The following HIPK3 variants were observed in gnomAD, a reference collection of about 807,000 sequenced individuals.
The protein encoded by HIPK3 is homeodomain-interacting protein kinase 3.
A neutral mutation model predicts 124.2 loss-of-function variants in HIPK3; 47 were observed. That is an observed-to-expected ratio of 0.38 (90% CI 0.30 to 0.48). The LOEUF (loss-of-function observed/expected upper bound fraction) is 0.48. Ranked by LOEUF, HIPK3 falls within the 20% of genes least tolerant of loss-of-function variation. The pLI is 0.98. For synonymous variants in HIPK3, 482 were observed against 515.2 expected (o/e 0.94, Z 0.87); for missense variants, 1,286 against 1,454.3 (o/e 0.88, Z 1.88).
At chr11:33,336,311 C>T (rs1853146502) in intron 3 of HIPK3, among the ~76,000 whole-genome samples, 1 of 152,112 alleles carries the variant, frequency 6.6e-6, no homozygotes, top group Non-Finnish European at 1.5e-5. Context: ...CTTGGGAGAG[C>T]CCATCAACTA....
chr11:33,266,836 A>G (rs1388045326), intron 1 of HIPK3, among the ~76,000 whole-genome samples: 2 of 152,224 alleles, frequency 1.3e-5, no homozygotes, highest in African/African-American at 4.8e-5. Context: ...TGTTTTCATT[A>G]AGGCTAATCA....
At chr11:33,343,819 G>T (rs1200748274) in intron 8 of HIPK3, among the ~76,000 whole-genome samples, 1 of 152,076 alleles carries the variant, frequency 6.6e-6, no homozygotes, top group Non-Finnish European at 1.5e-5. Flanking sequence ...TTATATCATA[G>T]AAAGTATAAT....
intron 1 of HIPK3, among the ~76,000 whole-genome samples, chr11:33,259,384 A>G (rs181031620): frequency 1.3e-5 from 2 of 152,344 alleles, no homozygotes; most frequent in Admixed American, 6.5e-5. Context: ...GTGCAGTGCT[A>G]ATTTTATACA....
At chr11:33,267,392 C>T (rs1365880484) in intron 1 of HIPK3, among the ~76,000 whole-genome samples, 2 of 152,012 alleles carry the variant, frequency 1.3e-5, no homozygotes, top group Non-Finnish European at 2.9e-5. Flanking sequence ...GGATTACAGG[C>T]GTGAGCCACT....
chr11:33,331,840 A>G (rs1852995789), intron 3 of HIPK3, among the ~76,000 whole-genome samples: 1 of 152,222 alleles, frequency 6.6e-6, no homozygotes, highest in African/African-American at 2.4e-5. Flanking sequence ...CCTATGAAGT[A>G]CACACTACTG....
chr11:33,284,958 GTA>G (rs3840756), intron 1 of HIPK3, among the ~76,000 whole-genome samples: 2 of 152,264 alleles, frequency 1.3e-5, no homozygotes, highest in East Asian at 1.9e-4. Flanking sequence ...TCTTATGTGT[GTA>G]TATGTTTTGA....
At chr11:33,312,043 A>C (rs1056359289) in intron 2 of HIPK3, among the ~76,000 whole-genome samples, 2 of 150,554 alleles carry the variant, frequency 1.3e-5, no homozygotes, top group African/African-American at 4.9e-5. Context: ...TGTGTTTTGT[A>C]GAGACAGGGT....
chr11:33,261,136 A>AATAT (rs1554960643), intron 1 of HIPK3, among the ~76,000 whole-genome samples: 38 of 145,154 alleles, frequency 2.6e-4, no homozygotes, highest in East Asian at 7.9e-4. Context: ...TTATATATAA[A>AATAT]ATATAAAATA....
intron 2 of HIPK3, among the ~76,000 whole-genome samples, chr11:33,310,311 T>TATCTATCTA (rs1565078200): frequency 1.8e-3 from 278 of 150,802 alleles, no homozygotes; most frequent in African/African-American, 6.4e-3. Flanking sequence ...CTATCTAATC[T>TATCTATCTA]ATCTATCTAT....
intron 2 of HIPK3, 42 bp from the exon 3 acceptor site, chr11:33,328,468 G>A (rs1565087930): frequency 1.3e-6 from 2 of 1,596,504 alleles, no homozygotes; most frequent in Middle Eastern, 1.7e-4. Flanking sequence ...GGTAATTTTA[G>A]AGAAAAACCA....
At chr11:33,342,378 G>A (rs1028428162) in intron 8 of HIPK3, among the ~76,000 whole-genome samples, 1 of 152,192 alleles carries the variant, frequency 6.6e-6, no homozygotes, top group African/African-American at 2.4e-5. Context: ...TAAAATTTTG[G>A]TCAAAAGAGT....
At chr11:33,293,522 T>G (rs2133913002) in intron 2 of HIPK3, among the ~76,000 whole-genome samples, 1 of 152,250 alleles carries the variant, frequency 6.6e-6, no homozygotes, top group South Asian at 2.1e-4. Flanking sequence ...CCATACAATA[T>G]ATGGTCCTTT....
At chr11:33,332,639 A>T (rs1190572346) in intron 3 of HIPK3, among the ~76,000 whole-genome samples, 1 of 152,204 alleles carries the variant, frequency 6.6e-6, no homozygotes, top group East Asian at 1.9e-4. Context: ...AGTCTTATGT[A>T]AGAAAAATAA....
chr11:33,293,980 A>C (rs940841012), intron 2 of HIPK3, among the ~76,000 whole-genome samples: 6 of 152,210 alleles, frequency 3.9e-5, no homozygotes, highest in Non-Finnish European at 8.8e-5. Context: ...CAGCCTGGCG[A>C]GCATGGTCAA....
intron 2 of HIPK3, among the ~76,000 whole-genome samples, chr11:33,304,650 G>T (rs1389249414): frequency 6.6e-6 from 1 of 151,934 alleles, no homozygotes; most frequent in Admixed American, 6.6e-5. Flanking sequence ...CTTTTATATT[G>T]TGGCTGTATT....
At position 33,287,117 on chromosome 11, in the gene HIPK3, G is replaced by A; in HGVS notation, c.703G>A (p.Ala235Thr). ...IKILKNHPSYARQGQIEVSIL... is the reference protein window; with the variant it reads ...IKILKNHPSYTRQGQIEVSIL... ...AATTTTGAAGAATCATCCTTCTTATGCCCGTCAAGGTCAAATAGAAGTGAG... is the reference window on the plus strand; with the variant it reads ...AATTTTGAAGAATCATCCTTCTTATACCCGTCAAGGTCAAATAGAAGTGAG... The change falls in exon 2 of 17, where the codon GCC (alanine) becomes ACC (threonine). Residue 235 changes from alanine to threonine, a missense_variant. Ala to Thr is a moderately conservative substitution (Grantham distance 58). Transcript: ENST00000303296. The A allele has an allele frequency of 6.2e-7, 1 of 1,614,138 alleles. No individual in the cohort carries two copies. The highest frequency in any genetic ancestry group is 8.5e-7 in the Non-Finnish European group (1 of 1,180,010).
At chr11:33,305,468 G>A (rs939447847) in intron 2 of HIPK3, among the ~76,000 whole-genome samples, 2 of 152,174 alleles carry the variant, frequency 1.3e-5, no homozygotes, top group Non-Finnish European at 2.9e-5. Flanking sequence ...AGGTTCAGCC[G>A]CTGTGCTAGA....
chr11:33,297,118 GTC>G (rs545740471), intron 2 of HIPK3, among the ~76,000 whole-genome samples: 1,527 of 143,756 alleles, frequency 0.011, 8 homozygotes, highest in Non-Finnish European at 0.015. Flanking sequence ...TTGAGATGGA[GTC>G]TCTCACCCTG....
At chr11:33,330,988 A>G (rs183631441) in intron 3 of HIPK3, among the ~76,000 whole-genome samples, 3 of 151,686 alleles carry the variant, frequency 2.0e-5, no homozygotes, top group South Asian at 2.1e-4. Flanking sequence ...GGTTCAAGCA[A>G]TTTTTCCACC....
Sources: allele counts gnomAD v4.1 joint callset (sites outside exome capture counted in the v4.1 genomes callset), GRCh38; gene constraint gnomAD v4.1.1; transcripts MANE v1.5; gene names NCBI Gene and HGNC (gene_info 2026-07-23, HGNC 2026-07-21).